The following CAGE1 variants were observed in gnomAD, a reference collection of about 807,000 sequenced individuals.
CAGE1 encodes cancer-associated gene 1 protein.
Under a neutral mutation model 94.9 loss-of-function variants are expected in CAGE1, and 66 were observed. The ratio of observed to expected loss-of-function variants is 0.70; its 90% CI spans 0.57 to 0.85. CAGE1 has a LOEUF of 0.85. CAGE1 is among the 40% of genes least tolerant of loss of function. The pLI is 0.00. For synonymous variants in CAGE1, 319 were observed against 321.0 expected, an observed-to-expected ratio of 0.99 and a Z score of 0.07; for missense variants, 865 against 950.4, an observed-to-expected ratio of 0.91 and a Z score of 1.18.
At chr6:7,363,248 G>T (rs1000448789) in intron 9 of CAGE1, among the ~76,000 whole-genome samples, 2 of 152,142 alleles carry the variant, frequency 1.3e-5, no homozygotes, top group Non-Finnish European at 2.9e-5. Context: ...TCAGCCTGGC[G>T]ACACAGCAAG....
At position 7,385,736 on chromosome 6, in the gene CAGE1, C is replaced by CA. The variant is rs763257429; in HGVS notation, c.283+48dup. On this transcript the variant is annotated intron_variant, in intron 3 of 13. Transcript: ENST00000502583. ...TGGCTATTGTTACTATCACGGAACACAAAAAAAAGTTTCTCTCTTTTGCAT... is the reference window on the plus strand; with the variant it reads ...TGGCTATTGTTACTATCACGGAACACAAAAAAAAAGTTTCTCTCTTTTGCAT... 110 of 1,179,322 alleles carry CA rather than the reference C, an allele frequency of 9.3e-5. 1 individual carries two copies. Among genetic ancestry groups the CA allele is most frequent in the Admixed American group, 1.1e-4 (4 of 36,054 alleles). 73.1% of individuals were successfully genotyped at this position (1,179,322 alleles called of 1,614,324 possible).
At position 7,339,681 on chromosome 6, in the gene CAGE1, TC is replaced by T; in HGVS notation, c.2370-5592del. On this transcript the variant is annotated intron_variant, in intron 11 of 13. Coordinates refer to ENST00000502583, the MANE Select transcript of CAGE1 (RefSeq NM_001170692.2). This position sits in a 1 kb window ranked among gnomAD's most constrained non-coding sequence, Gnocchi z 4.7. Reference sequence around the variant, plus strand: ...GAACATATGATGTTTGGTTTTCCATTCCTGAGCTACTTCACTTAGAATAATG... The same window carrying T: ...GAACATATGATGTTTGGTTTTCCATTCTGAGCTACTTCACTTAGAATAATG... 1 of 573,478 alleles carries T rather than the reference TC, an allele frequency of 1.7e-6. No individual in the cohort carries two copies. The highest frequency in any genetic ancestry group is 3.1e-6 in the Non-Finnish European group (1 of 319,524). 35.5% of individuals were successfully genotyped at this position (573,478 alleles called of 1,614,324 possible).
At chr6:7,372,499 G>A (rs1037964010) in intron 5 of CAGE1, among the ~76,000 whole-genome samples, 29 of 148,970 alleles carry the variant, frequency 1.9e-4, no homozygotes, top group African/African-American at 6.7e-4. Context: ...ACTGCTGGAA[G>A]ATGCTTTTGA....
intron 12 of CAGE1, chr6:7,331,418 A>G: frequency 1.6e-6 from 1 of 611,066 alleles, no homozygotes. Flanking sequence ...AACCAATGAT[A>G]AGGCTACCAA....
rs1354952061 is a variant in CAGE1 at position 7,385,840 on chromosome 6, C to T, written c.228G>A (p.Glu76=). 3.2e-6 allele frequency: 5 copies of T among 1,539,666 alleles called. No individual in the cohort carries two copies. The East Asian group carries it at 7.4e-5, about 23-fold the overall frequency. ...CATCTTCACAAAGTGTGGATTCATA[C>T]TCATTTTCCCTTTCAAAATTCTTTA... ...NEIKNFEREN[E]YESTLCEDAY... Residue 76 remains glutamate, a synonymous_variant, in exon 3 of 14, where the codon GAG becomes GAA. Transcript: ENST00000502583.
intron 11 of CAGE1, among the ~76,000 whole-genome samples, chr6:7,335,220 A>G (rs747147927): frequency 2.0e-5 from 3 of 152,196 alleles, no homozygotes; most frequent in Non-Finnish European, 4.4e-5. Flanking sequence ...ATAATCCAAA[A>G]TAATCTCCGC....
chr6:7,379,052 C>T (rs1389209420), intron 3 of CAGE1, 32 bp from the exon 4 acceptor site: 26 of 1,372,996 alleles, frequency 1.9e-5, no homozygotes, highest in Middle Eastern at 1.9e-4. Flanking sequence ...GAAATAAAAA[C>T]GAGTAGACCA....
At chr6:7,377,908 G>A (rs1012652107) in intron 4 of CAGE1, among the ~76,000 whole-genome samples, 1 of 151,980 alleles carries the variant, frequency 6.6e-6, no homozygotes, top group Non-Finnish European at 1.5e-5. Context: ...ATGTGTGCTC[G>A]GAATCAATAA....
At chr6:7,368,310 C>T (rs1240482737) in intron 7 of CAGE1, among the ~76,000 whole-genome samples, 1 of 150,902 alleles carries the variant, frequency 6.6e-6, no homozygotes, top group Non-Finnish European at 1.5e-5. Flanking sequence ...ATCCAAGAAC[C>T]TCTGCCCTCA....
At chr6:7,343,539 G>A (rs1483203131) in intron 11 of CAGE1, among the ~76,000 whole-genome samples, 1 of 152,158 alleles carries the variant, frequency 6.6e-6, no homozygotes, top group Non-Finnish European at 1.5e-5. Flanking sequence ...GCTTCATGTG[G>A]GTAGAAATAA....
intron 11 of CAGE1, among the ~76,000 whole-genome samples, chr6:7,350,536 G>T (rs2113397062): frequency 6.6e-6 from 1 of 152,148 alleles, no homozygotes; most frequent in South Asian, 2.1e-4. Flanking sequence ...ATAAATTTAA[G>T]AAAACTGAAA....
At chr6:7,340,759 A>G in intron 11 of CAGE1, 1 of 296,864 alleles carries the variant, frequency 3.4e-6, no homozygotes, top group Non-Finnish European at 6.5e-6. Context: ...GGGGTCCCTG[A>G]GCAAGTGATG....
At chr6:7,333,822 C>G (rs933340185) in intron 12 of CAGE1, among the ~76,000 whole-genome samples, 200 bp downstream of exon 12, 1 of 151,804 alleles carries the variant, frequency 6.6e-6, no homozygotes, top group Non-Finnish European at 1.5e-5. Context: ...CACGTGCCAC[C>G]ATGCCCGGCT....
Position 7,368,782 on chromosome 6 carries a change from T to C in CAGE1, c.1910A>G (p.Asp637Gly). Reference protein sequence around the residue: ...LLTCQDIINSDAEHFKESEKV... With the variant: ...LLTCQDIINSGAEHFKESEKV... ...CTCACTCTCTTTGAAATGTTCAGCATCAGAATTGATGATGTCCTAAGGGTA... is the reference window on the plus strand; with the variant it reads ...CTCACTCTCTTTGAAATGTTCAGCACCAGAATTGATGATGTCCTAAGGGTA... The change falls in exon 7 of 14, where the codon GAT becomes GGT. Residue 637 changes from aspartate to glycine, a missense_variant. By Grantham distance (94) the Asp-to-Gly change is moderately conservative. Coordinates refer to ENST00000502583, the MANE Select transcript of CAGE1 (RefSeq NM_001170692.2). The C allele has an allele frequency of 6.5e-7, 1 of 1,547,166 alleles. No individual in the cohort carries two copies. Among genetic ancestry groups the C allele is most frequent in the South Asian group, 1.2e-5 (1 of 80,766 alleles).
intron 9 of CAGE1, among the ~76,000 whole-genome samples, chr6:7,358,027 G>GATGTATATATATGT: frequency 2.1e-5 from 1 of 48,076 alleles, no homozygotes; most frequent in Non-Finnish European, 4.3e-5. Flanking sequence ...TAAGTTTTGA[G>GATGTATATATATGT]ATATATATAT....
intron 11 of CAGE1, among the ~76,000 whole-genome samples, chr6:7,352,300 A>AAAAC (rs1759802900): frequency 1.7e-5 from 2 of 115,884 alleles, no homozygotes; most frequent in African/African-American, 3.8e-5. Flanking sequence ...CAAAAAAAAA[A>AAAAC]AAAAACAAAA....
chr6:7,348,724 A>T (rs1466361106), intron 11 of CAGE1, among the ~76,000 whole-genome samples: 4 of 152,172 alleles, frequency 2.6e-5, no homozygotes, highest in African/African-American at 7.2e-5. Flanking sequence ...AAGAAAAAAA[A>T]ACTTCAGGAA....
At chr6:7,342,277 A>G (rs775292798) in intron 11 of CAGE1, among the ~76,000 whole-genome samples, 2 of 152,214 alleles carry the variant, frequency 1.3e-5, no homozygotes, top group African/African-American at 2.4e-5. Flanking sequence ...GAGCTGGATC[A>G]TCTGGCACAT....
intron 3 of CAGE1, among the ~76,000 whole-genome samples, chr6:7,384,298 C>T (rs141348903): frequency 0.016 from 2,474 of 152,214 alleles, 85 homozygotes; most frequent in African/African-American, 0.055. Context: ...AGGATGGTCT[C>T]GATCTCCTGA....
Sources: gnomAD v4.1 joint callset for allele counts (sites outside exome capture counted in the v4.1 genomes callset) on GRCh38, gnomAD v4.1.1 for gene constraint, Gnocchi (gnomAD v3.1) non-coding constraint, MANE v1.5 for transcripts, NCBI Gene and HGNC (gene_info 2026-07-23, HGNC 2026-07-21) for gene names.